NAV3: variants seen among roughly 807,000 people sequenced by gnomAD.
NAV3 encodes the protein pore membrane and/or filament interacting like protein 1.
NAV3 carries 87 observed loss-of-function variants against 244.7 expected under a neutral mutation model. That is an observed-to-expected ratio of 0.36 (90% CI 0.30 to 0.42). The LOEUF is 0.42. Ranked by LOEUF, NAV3 falls within the 20% of genes least tolerant of loss-of-function variation. The pLI, the probability that NAV3 is intolerant of heterozygous loss-of-function variation, is 1.00. For synonymous variants in NAV3, 1,126 were observed against 1,042.2 expected, an observed-to-expected ratio of 1.08 and a Z score of -1.55; for missense variants, 2,663 against 2,893.3, an observed-to-expected ratio of 0.92 and a Z score of 1.83.
chr12:77,762,257 A>T (rs1389893787), intron 2 of NAV3, among the ~76,000 whole-genome samples: 1 of 152,152 alleles, frequency 6.6e-6, no homozygotes, highest in Non-Finnish European at 1.5e-5. Context: ...TGAGGGGAAC[A>T]TCACACATCG....
intron 1 of NAV3, among the ~76,000 whole-genome samples, chr12:77,877,449 A>G (rs1881997474): frequency 6.6e-6 from 1 of 152,140 alleles, no homozygotes; most frequent in Non-Finnish European, 1.5e-5. Context: ...TTTCATGTCA[A>G]AAATTCATTT....
chr12:77,828,326 T>C (rs1592719469), upstream of NAV3, among the ~76,000 whole-genome samples: 1 of 152,154 alleles, frequency 6.6e-6, no homozygotes, highest in Admixed American at 6.5e-5. Flanking sequence ...CTCTTATGCT[T>C]CCCAGCCTCC....
At chr12:77,915,470 C>T (rs534707351) in intron 1 of NAV3, among the ~76,000 whole-genome samples, 3 of 151,838 alleles carry the variant, frequency 2.0e-5, no homozygotes, top group South Asian at 2.1e-4. Context: ...TATTGTTGAA[C>T]GTTTGACAAA....
intron 2 of NAV3, among the ~76,000 whole-genome samples, chr12:77,760,225 A>T (rs1177692050): frequency 6.6e-6 from 1 of 152,216 alleles, no homozygotes; most frequent in African/African-American, 2.4e-5. Context: ...ACTTCCAAAT[A>T]ATTTTTCAAT....
rs77163433 is a variant in NAV3, at chr12:77,929,374, G to A, written c.244-10945G>A. On this transcript the variant is annotated intron_variant, in intron 1 of 39. Coordinates refer to ENST00000397909, the MANE Select transcript of NAV3 (RefSeq NM_001024383.2). ...CATTGCATAGCTCTGGCTGCGTCAC[G>A]GACAGGGACATGTCATTGACCCTAT... Among the ~76,000 whole-genome samples, 379 of 152,192 alleles carry A rather than the reference G, an allele frequency of 2.5e-3. 8 individuals are homozygous for A. In the South Asian group the frequency reaches 0.044, roughly 18 times the overall value.
intron 23 of NAV3, among the ~76,000 whole-genome samples, chr12:78,165,633 A>G (rs1329583002): frequency 6.6e-6 from 1 of 151,916 alleles, no homozygotes; most frequent in Non-Finnish European, 1.5e-5. Context: ...TGAAGGCCAC[A>G]TTACAATTTC....
chr12:77,782,627 A>G (rs1870722306), intron 2 of NAV3, among the ~76,000 whole-genome samples: 1 of 150,094 alleles, frequency 6.7e-6, no homozygotes, highest in Non-Finnish European at 1.5e-5. Flanking sequence ...GCACATAGAG[A>G]ACAATTCAAA....
At chr12:77,604,564 GT>G (rs71440484) in intron 2 of NAV3, among the ~76,000 whole-genome samples, 2,805 of 148,710 alleles carry the variant, frequency 0.019, 43 homozygotes, top group Middle Eastern at 0.076. Flanking sequence ...ATCTTATGTA[GT>G]TTTTTTTTTG....
chr12:78,188,833 C>G (rs2139859184), intron 33 of NAV3, 56 bp downstream of exon 33: 2 of 1,540,778 alleles, frequency 1.3e-6, no homozygotes, highest in Admixed American at 3.5e-5. Flanking sequence ...ACATTTTATT[C>G]TGCCCCCCGC....
intron 9 of NAV3, among the ~76,000 whole-genome samples, chr12:78,030,709 A>G (rs938973942): frequency 6.6e-6 from 1 of 152,182 alleles, no homozygotes; most frequent in Non-Finnish European, 1.5e-5. Flanking sequence ...AAAGTAAGAA[A>G]CAAATAGATA....
chr12:78,197,112 A>T (rs1054051492), intron 34 of NAV3, 135 bp from the exon 35 acceptor site: 2 of 567,734 alleles, frequency 3.5e-6, no homozygotes, highest in Non-Finnish European at 5.3e-6. Flanking sequence ...AAAAGATTTT[A>T]CATCAGTTGA....
intron 2 of NAV3, among the ~76,000 whole-genome samples, chr12:77,735,957 C>T (rs928224929): frequency 6.6e-6 from 1 of 152,154 alleles, no homozygotes; most frequent in African/African-American, 2.4e-5. Flanking sequence ...CTGCATTTCC[C>T]CTCTGCTGTC....
At chr12:78,103,071 A>G (rs1037894520) in intron 12 of NAV3, among the ~76,000 whole-genome samples, 3 of 152,146 alleles carry the variant, frequency 2.0e-5, no homozygotes, top group African/African-American at 7.2e-5. Flanking sequence ...TCTCCTCAAA[A>G]AATGGGTTTT....
At position 77,821,145 on chromosome 12, in the gene NAV3, A is replaced by G. The variant is rs188205464; in HGVS notation, c.73-119174A>G. 3.7e-4 allele frequency among the ~76,000 whole-genome samples: 57 copies of G among 152,048 alleles called. No individual in the cohort carries two copies. In the East Asian group the frequency reaches 0.011, roughly 29 times the overall value. Reference sequence around the variant, plus strand: ...TTGAAATATCCTCAGAGTTCCTAGTAAAATGCTGCATGATCTGAAAAAGAC... The same window carrying G: ...TTGAAATATCCTCAGAGTTCCTAGTGAAATGCTGCATGATCTGAAAAAGAC... On this transcript the variant is annotated intron_variant, in intron 2 of 8. Coordinates refer to the NAV3 transcript ENST00000550042.
intron 20 of NAV3, among the ~76,000 whole-genome samples, chr12:78,143,045 G>A (rs974547743): frequency 6.6e-6 from 1 of 151,978 alleles, no homozygotes; most frequent in African/African-American, 2.4e-5. Flanking sequence ...CTATGAAAAT[G>A]CTTTTTAAAC....
intron 12 of NAV3, among the ~76,000 whole-genome samples, chr12:78,116,140 G>C (rs956389523): frequency 2.0e-5 from 3 of 152,282 alleles, no homozygotes; most frequent in African/African-American, 7.2e-5. Context: ...CATGTTAGCA[G>C]ATAAAGTTGT....
intron 2 of NAV3, among the ~76,000 whole-genome samples, chr12:77,817,296 C>A (rs561235806): frequency 6.6e-6 from 1 of 152,146 alleles, no homozygotes; most frequent in African/African-American, 2.4e-5. Context: ...TTGCCACACC[C>A]TCTGTAAGAT....
At chr12:77,893,054 A>G (rs1456513053) in intron 1 of NAV3, among the ~76,000 whole-genome samples, 2 of 152,174 alleles carry the variant, frequency 1.3e-5, no homozygotes, top group Non-Finnish European at 2.9e-5. Context: ...TCTGAAGAAC[A>G]TGGGTTTGGA....
chr12:77,894,456 T>C (rs1453444278), intron 1 of NAV3, among the ~76,000 whole-genome samples: 6 of 152,296 alleles, frequency 3.9e-5, no homozygotes, highest in African/African-American at 1.4e-4. Flanking sequence ...TGGAATTTTA[T>C]GTAAAAGTTT....
Sources: gnomAD v4.1 joint callset for allele counts (sites outside exome capture counted in the v4.1 genomes callset) on GRCh38, gnomAD v4.1.1 for gene constraint, MANE v1.5 for transcripts, NCBI Gene and HGNC (gene_info 2026-07-23, HGNC 2026-07-21) for gene names.